Variants in BBX observed in about 807,000 individuals in gnomAD.
BBX encodes the protein BBX high mobility group box domain containing.
Under a neutral mutation model 100.2 loss-of-function variants are expected in BBX, and 30 were observed. The observed-to-expected ratio is 0.30, with a 90% CI of 0.22 to 0.41. The LOEUF (loss-of-function observed/expected upper bound fraction) is 0.41. BBX is among the 10% of genes least tolerant of loss of function. The pLI is 1.00. For synonymous variants in BBX, 376 were observed against 388.1 expected, an observed-to-expected ratio of 0.97 and a Z score of 0.37; for missense variants, 1,023 against 1,129.8, an observed-to-expected ratio of 0.91 and a Z score of 1.35.
At chr3:107,596,289 A>G (rs1403588912) in intron 2 of BBX, among the ~76,000 whole-genome samples, 1 of 152,204 alleles carries the variant, frequency 6.6e-6, no homozygotes, top group African/African-American at 2.4e-5. Flanking sequence ...TCATGCAGTC[A>G]TTCAGTGTTG....
chr3:107,783,263 T>C (rs1240356605), intron 13 of BBX, among the ~76,000 whole-genome samples: 1 of 152,022 alleles, frequency 6.6e-6, no homozygotes, highest in South Asian at 2.1e-4. Context: ...TCATCTGAAG[T>C]TGTCATTTAC....
At chr3:107,610,253 T>TAA in intron 2 of BBX, among the ~76,000 whole-genome samples, 1 of 152,130 alleles carries the variant, frequency 6.6e-6, no homozygotes, top group East Asian at 1.9e-4. Flanking sequence ...TTGAAAGTTT[T>TAA]AAGATTTGTT....
intron 10 of BBX, among the ~76,000 whole-genome samples, chr3:107,769,014 G>A (rs771087776): frequency 2.7e-5 from 4 of 150,490 alleles, no homozygotes; most frequent in Admixed American, 1.3e-4. Flanking sequence ...GGGCGGCGGG[G>A]GGGGGGAGCC....
intron 3 of BBX, among the ~76,000 whole-genome samples, chr3:107,692,833 A>G (rs1253333249): frequency 3.4e-5 from 5 of 148,512 alleles, no homozygotes; most frequent in African/African-American, 9.9e-5. Context: ...AAGTGTTCCT[A>G]TTTCTCCACA....
intron 3 of BBX, among the ~76,000 whole-genome samples, chr3:107,655,922 G>A (rs1383535750): frequency 5.9e-5 from 9 of 151,886 alleles, no homozygotes; most frequent in African/African-American, 1.7e-4. Flanking sequence ...GGATGGTCTC[G>A]ATCTCCTGAC....
intron 2 of BBX, among the ~76,000 whole-genome samples, chr3:107,556,750 A>G (rs2050125036): frequency 6.6e-6 from 1 of 152,228 alleles, no homozygotes; most frequent in Admixed American, 6.5e-5. Flanking sequence ...ATTTTTGGAT[A>G]GATTCTGGAG....
intron 1 of BBX, chr3:107,524,669 T>G (rs1205949291): frequency 6.7e-6 from 1 of 149,412 alleles, no homozygotes; most frequent in Non-Finnish European, 1.5e-5. Context: ...TGCTTTCCTT[T>G]CTGTAGGAAG....
At position 107,805,374 on chromosome 3, in the gene BBX, C is replaced by G; in HGVS notation, c.2743C>G (p.Gln915Glu). ...TTTCTTCCTTTTATTTTACAGAGGT[C>G]AGAGGTCAACTCCGCTCACCCATGA... Reference protein sequence around the residue: ...VAAMENVHRGQRSTPLTHDGQ... With the variant: ...VAAMENVHRGERSTPLTHDGQ... Residue 915 changes from glutamine (Q) to glutamate (E), a missense_variant, in exon 18 of 18, where the codon CAG becomes GAG. This residue lies in a region of BBX where 104 missense variants were observed against 132.2 expected (regional missense o/e 0.79). Coordinates refer to ENST00000325805, the MANE Select transcript of BBX (RefSeq NM_001142568.3). 6.2e-7 allele frequency: 1 copy of G among 1,612,656 alleles called. No individual in the cohort carries two copies. Among genetic ancestry groups the G allele is most frequent in the Non-Finnish European group, 8.5e-7 (1 of 1,179,228 alleles).
At chr3:107,560,790 A>G (rs1221096036) in intron 2 of BBX, among the ~76,000 whole-genome samples, 1 of 152,212 alleles carries the variant, frequency 6.6e-6, no homozygotes, top group Non-Finnish European at 1.5e-5. Flanking sequence ...TCAAAATTTA[A>G]CATTGGGGAA....
chr3:107,788,229 G>T (rs541437189), intron 13 of BBX, among the ~76,000 whole-genome samples: 8 of 152,270 alleles, frequency 5.3e-5, no homozygotes, highest in African/African-American at 1.9e-4. Context: ...AAAATTAAGA[G>T]GTCAGGGAAA....
In BBX at chr3:107,807,768, T is replaced by TC. The variant is rs1259559355; in HGVS notation, c.*2311_*2312insC. The TC allele has an allele frequency of 2.2e-4, 33 of 152,244 alleles. No homozygotes were observed. The highest frequency in any genetic ancestry group is 2.0e-3 in the Admixed American group (30 of 15,292). The allele number at this position is 152,244 out of a possible 1,614,324, so 9.4% of individuals were successfully genotyped here. ...TTTTTCTATGTGATTAATATCTTAC[T>TC]TGATCTGCTTTTCCTAAACCTCAGT... On this transcript the variant is annotated 3_prime_UTR_variant, in exon 18 of 18. Coordinates refer to ENST00000325805, the MANE Select transcript of BBX (RefSeq NM_001142568.3).
At chr3:107,601,335 A>G (rs916412966) in intron 2 of BBX, among the ~76,000 whole-genome samples, 5 of 152,222 alleles carry the variant, frequency 3.3e-5, no homozygotes, top group African/African-American at 1.2e-4. Context: ...AAAGCTAGAA[A>G]TGATTAAGCT....
intron 9 of BBX, among the ~76,000 whole-genome samples, chr3:107,749,649 T>C (rs1279393613): frequency 6.6e-6 from 1 of 151,974 alleles, no homozygotes; most frequent in East Asian, 1.9e-4. Context: ...TTTTTTTTTT[T>C]TGAGATGGAG....
Position 107,590,476 on chromosome 3 carries a change from A to C in BBX, c.-83-55360A>C, listed in dbSNP as rs545086464. ...ATTGTGCTTTCGAACCCTAGAAATT[A>C]TTCCTTCTAAAATGTATTTTTGTAC... On this transcript the variant is annotated intron_variant, in intron 2 of 17. Transcript: ENST00000325805. Among the ~76,000 whole-genome samples, 241 of 152,266 alleles carry C rather than the reference A, an allele frequency of 1.6e-3. 1 individual carries two copies. Among genetic ancestry groups the C allele is most frequent in the Middle Eastern group, 3.4e-3 (1 of 294 alleles).
At chr3:107,559,994 T>G (rs1472558013) in intron 2 of BBX, among the ~76,000 whole-genome samples, 2 of 152,148 alleles carry the variant, frequency 1.3e-5, no homozygotes, top group Non-Finnish European at 2.9e-5. Flanking sequence ...TCCACCCACC[T>G]TGGTCTCCCA....
At chr3:107,769,043 C>T (rs2066637999) in intron 10 of BBX, among the ~76,000 whole-genome samples, 1 of 151,262 alleles carries the variant, frequency 6.6e-6, no homozygotes, top group African/African-American at 2.4e-5. Flanking sequence ...TGGCATGAAC[C>T]TGTAGTCCTA....
intron 7 of BBX, among the ~76,000 whole-genome samples, chr3:107,741,456 C>T (rs1045722749): frequency 6.6e-6 from 1 of 152,100 alleles, no homozygotes; most frequent in Non-Finnish European, 1.5e-5. Context: ...ACAAAAATCC[C>T]GTTAGCTATT....
At position 107,535,698 on chromosome 3, in the gene BBX, T is replaced by A. The variant is rs987676326; in HGVS notation, c.-84+9300T>A. ...ACCTCTGCCTTCTGGGTTCAAGCGATTCTTGTGCCTCAGCATCCCAAGTAG... is the reference window on the plus strand; with the variant it reads ...ACCTCTGCCTTCTGGGTTCAAGCGAATCTTGTGCCTCAGCATCCCAAGTAG... On this transcript the variant is annotated intron_variant, in intron 2 of 17. Transcript: ENST00000325805. Among the ~76,000 whole-genome samples the A allele has an allele frequency of 3.9e-5, 6 of 152,082 alleles. No individual in the cohort carries two copies. The South Asian group carries it at 1.0e-3, about 26-fold the overall frequency.
At chr3:107,622,113 A>G (rs2055818728) in intron 2 of BBX, among the ~76,000 whole-genome samples, 1 of 151,776 alleles carries the variant, frequency 6.6e-6, no homozygotes, top group South Asian at 2.1e-4. Flanking sequence ...CCCAACCCTA[A>G]CCCCTGGCAA....
Sources: gnomAD v4.1 joint callset for allele counts (sites outside exome capture counted in the v4.1 genomes callset) on GRCh38, gnomAD v4.1.1 for gene constraint, gnomAD v4.1.1 regional missense constraint, MANE v1.5 for transcripts, NCBI Gene and HGNC (gene_info 2026-07-23, HGNC 2026-07-21) for gene names.